CCDC187: variants seen among roughly 807,000 people sequenced by gnomAD.
The protein encoded by CCDC187 is coiled-coil domain-containing protein 187.
CCDC187 carries 32 observed loss-of-function variants against 38.0 expected under a neutral mutation model. That is an observed-to-expected ratio of 0.84 (90% CI 0.64 to 1.13). The LOEUF (loss-of-function observed/expected upper bound fraction) is 1.13, where lower values mean the gene tolerates loss of function less well. Ranked by LOEUF, CCDC187 falls within the 50% of genes most tolerant of loss-of-function variation. The pLI, the probability that CCDC187 is intolerant of heterozygous loss-of-function variation, is 0.00. For missense variants in CCDC187, 707 were observed against 786.8 expected (o/e 0.90, Z 1.21); for synonymous variants, 333 against 347.9 (o/e 0.96, Z 0.48).
At chr9:136,282,822 G>T (rs1036561115) in intron 9 of CCDC187, among the ~76,000 whole-genome samples, 139 of 152,370 alleles carry the variant, frequency 9.1e-4, no homozygotes, top group African/African-American at 3.2e-3. Flanking sequence ...GGCCGTGAGG[G>T]GCTGCATGGC....
At chr9:136,285,200 C>T in intron 9 of CCDC187, among the ~76,000 whole-genome samples, 1 of 152,232 alleles carries the variant, frequency 6.6e-6, no homozygotes, top group East Asian at 1.9e-4. Flanking sequence ...ACTGTCCCTG[C>T]ACTCAGTCTG....
chr9:136,282,796 G>T (rs1222073825), intron 9 of CCDC187, among the ~76,000 whole-genome samples: 2 of 152,252 alleles, frequency 1.3e-5, no homozygotes, highest in African/African-American at 4.8e-5. Flanking sequence ...CTGCAGGGGA[G>T]CTGGACGTGT....
chr9:136,270,511 C>A (rs1037919316), intron 14 of CCDC187, among the ~76,000 whole-genome samples: 1 of 152,076 alleles, frequency 6.6e-6, no homozygotes, highest in Non-Finnish European at 1.5e-5. Context: ...TCCACTATTT[C>A]TTCTTCTGCT....
At chr9:136,279,662 C>T (rs1173719707) in intron 10 of CCDC187, among the ~76,000 whole-genome samples, 2 of 152,246 alleles carry the variant, frequency 1.3e-5, no homozygotes, top group African/African-American at 2.4e-5. Flanking sequence ...AACGGAGCCC[C>T]ATCCCAGCCC....
chr9:136,293,239 A>T (rs1831392798), intron 4 of CCDC187, among the ~76,000 whole-genome samples: 1 of 144,528 alleles, frequency 6.9e-6, no homozygotes, highest in Non-Finnish European at 1.5e-5. Flanking sequence ...TCACACGCTC[A>T]CACTCACATG....
At chr9:136,269,388 G>A (rs548024221) in intron 14 of CCDC187, among the ~76,000 whole-genome samples, 7 of 152,330 alleles carry the variant, frequency 4.6e-5, no homozygotes, top group East Asian at 3.9e-4. Context: ...GGTGGCTCAC[G>A]CCTGTAATCC....
rs782052234 is a variant in CCDC187 at position 136,258,008 on chromosome 9, C to T, written c.4366+924G>A. ...AACGAGGACCCATGGTGGGTGCAGG[C>T]GCCTGGCTGGCCCCCCGAACGGTGA... On this transcript the variant is annotated intron_variant, in intron 22 of 25. Transcript: ENST00000638797. The surrounding 1 kb of genome is among the most constrained non-coding windows in gnomAD (Gnocchi z 4.3). 5.9e-5 allele frequency among the ~76,000 whole-genome samples: 9 copies of T among 152,176 alleles called. No individual in the cohort carries two copies. Among genetic ancestry groups the T allele is most frequent in the Non-Finnish European group, 1.3e-4 (9 of 68,028 alleles).
Position 136,262,451 on chromosome 9 carries a change from G to A in CCDC187, c.3924C>T (p.Pro1308=), listed in dbSNP as rs1451980059. The change falls in exon 19 of 26, where the codon CCC becomes CCT. Residue 1308 remains proline (P), a synonymous_variant. Coordinates refer to ENST00000638797, the MANE Select transcript of CCDC187 (RefSeq NM_001378188.1). ...AQAKLQQGSS[P]KVKAAWEGGS... Reference sequence around the variant, plus strand: ...CTCCCTCCCAGGCGGCCTTGACTTTGGGGCTGGAACCCTGTAAGAAATGGT... The same window carrying A: ...CTCCCTCCCAGGCGGCCTTGACTTTAGGGCTGGAACCCTGTAAGAAATGGT... 3.0e-6 allele frequency: 3 copies of A among 985,676 alleles called. No individual in the cohort carries two copies. Among genetic ancestry groups the A allele is most frequent in the Middle Eastern group, 5.2e-4 (1 of 1,936 alleles). 61.1% of individuals were successfully genotyped at this position (985,676 alleles called of 1,614,324 possible). A position where few individuals can be genotyped will look rare whatever the true frequency, so the allele number is the denominator to read the frequency against.
chr9:136,272,313 A>G (rs1160188395), intron 14 of CCDC187, among the ~76,000 whole-genome samples: 2 of 152,234 alleles, frequency 1.3e-5, no homozygotes, highest in Non-Finnish European at 2.9e-5. Context: ...TAACAAGATA[A>G]TTGGCTGTTT....
In CCDC187 at chr9:136,254,396, C is replaced by T; in HGVS notation, c.5432G>A (p.Gly1811Glu). ...VAPPSPRSGE[G>E]REASGTSESL... ...CTCGCTGGTCCCAGAAGCTTCCCGC[C>T]CCTCCCCGGACCGTGGGGAGGGAGG... is the stretch of plus-strand genomic sequence containing the variant. Residue 1811 changes from glycine to glutamate, a missense_variant, in exon 26 of 26, where the codon GGG (glycine) becomes GAG (glutamate). Physicochemically the swap from Gly to Glu is moderately conservative, Grantham distance 98. Coordinates refer to ENST00000638797, the MANE Select transcript of CCDC187 (RefSeq NM_001378188.1). 1 of 984,992 alleles carries T rather than the reference C, an allele frequency of 1.0e-6. No homozygotes were observed. The highest frequency in any genetic ancestry group is 1.2e-6 in the Non-Finnish European group (1 of 829,632). 61.0% of individuals were successfully genotyped at this position (984,992 alleles called of 1,614,324 possible).
intron 4 of CCDC187, 118 bp from the exon 5 acceptor site, chr9:136,292,413 G>T: frequency 2.5e-6 from 1 of 397,160 alleles, no homozygotes; most frequent in Non-Finnish European, 4.4e-6. Context: ...CTCCCAGAAG[G>T]CACCGGGAGG....
At chr9:136,293,100 ACT>A (rs1418372112) in intron 4 of CCDC187, among the ~76,000 whole-genome samples, 5 of 150,818 alleles carry the variant, frequency 3.3e-5, no homozygotes, top group Non-Finnish European at 7.4e-5. Flanking sequence ...ACTCACAAAC[ACT>A]CACATTGCTC....
At position 136,282,739 on chromosome 9, in the gene CCDC187, G is replaced by C. The variant is rs1360867650; in HGVS notation, c.2928-1076C>G. Among the ~76,000 whole-genome samples the C allele has an allele frequency of 2.6e-5, 4 of 152,256 alleles. No homozygotes were observed. The East Asian group carries it at 7.7e-4, about 29-fold the overall frequency. On this transcript the variant is annotated intron_variant, in intron 9 of 25. Coordinates refer to ENST00000638797, the MANE Select transcript of CCDC187 (RefSeq NM_001378188.1). ...TGTGGGCAGGAGCTGTGCAGGGTCTGGTCATGGTGGTGACCCACCTCCCAA... is the reference window on the plus strand; with the variant it reads ...TGTGGGCAGGAGCTGTGCAGGGTCTCGTCATGGTGGTGACCCACCTCCCAA...
At chr9:136,290,118 G>C (rs1339458002) in intron 6 of CCDC187, 65 bp from the exon 7 acceptor site, 1 of 398,362 alleles carries the variant, frequency 2.5e-6, no homozygotes, top group Admixed American at 4.4e-5. Flanking sequence ...CGTTCTCTCA[G>C]CCTCAGAGCT....
rs1830588859 is a variant in CCDC187 at position 136,254,502 on chromosome 9, C to CCGG, written c.5325_5326insCCG (p.Thr1775_Gly1776insPro). 2 of 985,490 alleles carry CCGG rather than the reference C, an allele frequency of 2.0e-6. No individual in the cohort carries two copies. Among genetic ancestry groups the CCGG allele is most frequent in the Non-Finnish European group, 2.4e-6 (2 of 829,964 alleles). 61.0% of individuals were successfully genotyped at this position (985,490 alleles called of 1,614,324 possible). A position where few individuals can be genotyped will look rare whatever the true frequency, so the allele number is the denominator to read the frequency against. ...GAGCTCCCCGAGGCTGGCTTGGCCCCGGTACAGGGTTCTGGCAGGTCCTCC... is the reference window on the plus strand; with the variant it reads ...GAGCTCCCCGAGGCTGGCTTGGCCCCCGGGGTACAGGGTTCTGGCAGGTCCTCC... On this transcript the variant is annotated inframe_insertion, in exon 26 of 26. Transcript: ENST00000638797.
At chr9:136,274,472 G>A (rs529555954) in intron 14 of CCDC187, among the ~76,000 whole-genome samples, 186 bp downstream of exon 14, 4 of 152,386 alleles carry the variant, frequency 2.6e-5, no homozygotes, top group East Asian at 1.9e-4. Flanking sequence ...GGTCAGTCAC[G>A]CGAGTGCTGG....
At chr9:136,285,849 G>A in intron 8 of CCDC187, 1 of 397,160 alleles carries the variant, frequency 2.5e-6, no homozygotes, top group Non-Finnish European at 4.4e-6. Context: ...TGCTGCGGGT[G>A]CCATGTGCCA....
At chr9:136,280,215 C>G (rs1831011906) in intron 10 of CCDC187, among the ~76,000 whole-genome samples, 1 of 152,266 alleles carries the variant, frequency 6.6e-6, no homozygotes, top group East Asian at 1.9e-4. Context: ...ATCCCACACA[C>G]TGTGTATCCT....
intron 2 of CCDC187, among the ~76,000 whole-genome samples, chr9:136,301,211 G>C (rs1024909574): frequency 1.4e-4 from 21 of 152,218 alleles, no homozygotes; most frequent in Non-Finnish European, 1.5e-5. Context: ...GGCAGGTTGG[G>C]GGAGGAAGGT....
Sources: gnomAD v4.1 joint callset for allele counts (sites outside exome capture counted in the v4.1 genomes callset) on GRCh38, gnomAD v4.1.1 for gene constraint, Gnocchi (gnomAD v3.1) non-coding constraint, MANE v1.5 for transcripts, NCBI Gene and HGNC (gene_info 2026-07-23, HGNC 2026-07-21) for gene names.